OPCML: variants seen among roughly 807,000 people sequenced by gnomAD.
OPCML encodes the protein opioid-binding protein/cell adhesion molecule.
A neutral mutation model predicts 37.8 loss-of-function variants in OPCML; 13 were observed. The observed-to-expected ratio is 0.34, with a 90% CI of 0.22 to 0.55. The LOEUF (loss-of-function observed/expected upper bound fraction) is 0.55, where lower values mean the gene tolerates loss of function less well. Among genes scored for constraint, OPCML ranks in the 20% least tolerant of loss-of-function variants. The probability of loss-of-function intolerance (pLI) is 0.91; values close to 1 mark genes in which losing one functional copy is unlikely to be tolerated. For missense variants in OPCML, 341 were observed against 435.6 expected, an observed-to-expected ratio of 0.78 and a Z score of 1.93; for synonymous variants, 176 against 168.8, an observed-to-expected ratio of 1.04 and a Z score of -0.33.
chr11:132,657,004 C>T, intron 3 of OPCML, 83 bp downstream of exon 3: 2 of 1,549,420 alleles, frequency 1.3e-6, no homozygotes, highest in Non-Finnish European at 1.7e-6. Context: ...TGTGTCTTCG[C>T]ACACAGGTAG....
At chr11:133,456,024 C>T (rs1376516808) in intron 1 of OPCML, among the ~76,000 whole-genome samples, 1 of 152,118 alleles carries the variant, frequency 6.6e-6, no homozygotes, top group African/African-American at 2.4e-5. Flanking sequence ...GGTTTGCTGT[C>T]GTGTCTGACT....
chr11:132,971,627 A>T (rs1236436207), intron 1 of OPCML, among the ~76,000 whole-genome samples: 1 of 152,180 alleles, frequency 6.6e-6, no homozygotes, highest in Non-Finnish European at 1.5e-5. Context: ...CTCCTTATGC[A>T]GCTGTACAGA....
At chr11:133,349,112 A>C (rs151171234) in intron 1 of OPCML, among the ~76,000 whole-genome samples, 1 of 152,216 alleles carries the variant, frequency 6.6e-6, no homozygotes, top group African/African-American at 2.4e-5. Flanking sequence ...GTGCATGTGC[A>C]TGGTAACCAC....
chr11:133,214,265 C>T (rs1158952631), intron 1 of OPCML, among the ~76,000 whole-genome samples: 3 of 151,806 alleles, frequency 2.0e-5, no homozygotes, highest in Admixed American at 1.3e-4. Context: ...GAATTTTTGT[C>T]GATATCTATC....
At chr11:132,457,936 T>G (rs2096088015) in intron 4 of OPCML, among the ~76,000 whole-genome samples, 2 of 152,238 alleles carry the variant, frequency 1.3e-5, no homozygotes, top group African/African-American at 2.4e-5. Context: ...GCAAAGTGTC[T>G]GCCGTGGAAG....
intron 1 of OPCML, among the ~76,000 whole-genome samples, chr11:133,455,601 G>A (rs775542342): frequency 5.9e-5 from 9 of 152,168 alleles, no homozygotes; most frequent in Non-Finnish European, 1.3e-4. Context: ...AAAAAGTTGA[G>A]AATGTGCACA....
chr11:133,255,801 T>A (rs1270012289), intron 1 of OPCML, among the ~76,000 whole-genome samples: 1 of 152,160 alleles, frequency 6.6e-6, no homozygotes, highest in African/African-American at 2.4e-5. Flanking sequence ...AAAACCCCTA[T>A]GGCTGGCAGT....
At chr11:132,506,723 T>TA (rs2096257666) in intron 4 of OPCML, among the ~76,000 whole-genome samples, 1 of 151,960 alleles carries the variant, frequency 6.6e-6, no homozygotes, top group African/African-American at 2.4e-5. Flanking sequence ...ACCACCACTA[T>TA]AAAAAATCAA....
At chr11:133,352,849 A>C (rs1944172857) in intron 1 of OPCML, among the ~76,000 whole-genome samples, 1 of 152,216 alleles carries the variant, frequency 6.6e-6, no homozygotes, top group Non-Finnish European at 1.5e-5. Flanking sequence ...ATCAGCAGGA[A>C]TAGGTTCAAA....
intron 2 of OPCML, among the ~76,000 whole-genome samples, chr11:132,688,810 C>T (rs1165556326): frequency 1.4e-5 from 1 of 72,514 alleles, no homozygotes; most frequent in African/African-American, 5.9e-5. Context: ...ATTAGCCGGG[C>T]GCGGTGGCGG....
intron 4 of OPCML, among the ~76,000 whole-genome samples, chr11:132,487,207 G>T (rs1483069126): frequency 6.6e-6 from 1 of 152,144 alleles, no homozygotes; most frequent in Non-Finnish European, 1.5e-5. Context: ...CTGAGAGACG[G>T]TTACTCAGCC....
chr11:133,371,510 G>A (rs1368625240), intron 1 of OPCML, among the ~76,000 whole-genome samples: 1 of 152,162 alleles, frequency 6.6e-6, no homozygotes, highest in African/African-American at 2.4e-5. Flanking sequence ...GGATCATGGG[G>A]GCAGTTTCCC....
chr11:132,793,132 C>T (rs376957537), intron 2 of OPCML, among the ~76,000 whole-genome samples: 3 of 152,094 alleles, frequency 2.0e-5, no homozygotes, highest in Middle Eastern at 3.2e-3. Flanking sequence ...GGGCCGCTTG[C>T]GTGTTGGCAG....
At chr11:132,462,536 T>G (rs879858757) in intron 4 of OPCML, among the ~76,000 whole-genome samples, 8 of 152,202 alleles carry the variant, frequency 5.3e-5, no homozygotes, top group Admixed American at 1.3e-4. Flanking sequence ...GGAAAAGAGA[T>G]GATGATTTAT....
At chr11:132,572,065 T>C (rs996521961) in intron 3 of OPCML, among the ~76,000 whole-genome samples, 3 of 152,158 alleles carry the variant, frequency 2.0e-5, no homozygotes, top group African/African-American at 7.2e-5. Flanking sequence ...TATGTCTTCT[T>C]TGGAGAAATG....
intron 1 of OPCML, among the ~76,000 whole-genome samples, chr11:133,197,067 C>T (rs930485417): frequency 1.3e-5 from 2 of 152,176 alleles, no homozygotes; most frequent in Non-Finnish European, 2.9e-5. Context: ...CAGAAATGTG[C>T]TGTCTTAGTT....
intron 1 of OPCML, among the ~76,000 whole-genome samples, chr11:133,044,151 T>C (rs1023635062): frequency 1.3e-5 from 2 of 152,146 alleles, no homozygotes; most frequent in African/African-American, 4.8e-5. Flanking sequence ...GAGTAAGCCA[T>C]GTGAGAAGGG....
chr11:132,425,261 CA>C (rs1224631215), intron 7 of OPCML, among the ~76,000 whole-genome samples: 5 of 150,468 alleles, frequency 3.3e-5, no homozygotes, highest in South Asian at 4.2e-4. Context: ...AACAAATAAA[CA>C]GACAAATATT....
intron 1 of OPCML, among the ~76,000 whole-genome samples, chr11:133,369,270 A>G (rs1452084473): frequency 6.6e-6 from 1 of 152,250 alleles, no homozygotes; most frequent in Non-Finnish European, 1.5e-5. Context: ...TGGAAAAAAT[A>G]CTTAGGATTA....
Sources: allele counts gnomAD v4.1 joint callset (sites outside exome capture counted in the v4.1 genomes callset), GRCh38; gene constraint gnomAD v4.1.1; transcripts MANE v1.5; gene names NCBI Gene and HGNC (gene_info 2026-07-23, HGNC 2026-07-21).